TLE1: variants seen among roughly 807,000 people sequenced by gnomAD.
The protein encoded by TLE1 is TLE family member 1, transcriptional corepressor.
In TLE1, 21 loss-of-function variants were observed where a neutral mutation model predicts 89.8. The observed-to-expected ratio is 0.23, with a 90% confidence interval of 0.17 to 0.34. The LOEUF is 0.34. Ranked by LOEUF, TLE1 falls within the 10% of genes least tolerant of loss-of-function variation. TLE1 has a pLI of 1.00. For missense variants in TLE1, 795 were observed against 1,031.2 expected, an observed-to-expected ratio of 0.77 and a Z score of 3.14; for synonymous variants, 447 against 407.6, an observed-to-expected ratio of 1.10 and a Z score of -1.16.
At chr9:81,600,173 G>C (rs760702874) in intron 14 of TLE1, 10 of 704,594 alleles carry the variant, frequency 1.4e-5, no homozygotes, top group Non-Finnish European at 2.6e-5. Context: ...AAAACAAAAA[G>C]AGGCTTAATA....
intron 4 of TLE1, among the ~76,000 whole-genome samples, chr9:81,670,261 C>G (rs1832043380): frequency 6.6e-6 from 1 of 152,166 alleles, no homozygotes; most frequent in Non-Finnish European, 1.5e-5. Flanking sequence ...GGTCTTCAAA[C>G]TCTACTCCAA....
intron 17 of TLE1, among the ~76,000 whole-genome samples, chr9:81,586,052 C>T (rs1042705733): frequency 1.5e-5 from 2 of 137,320 alleles, no homozygotes. Context: ...GAGTCTTGCT[C>T]TGTCGCCCAG....
At chr9:81,585,764 C>T in intron 17 of TLE1, 109 bp from the exon 18 acceptor site, 1 of 1,379,848 alleles carries the variant, frequency 7.2e-7, no homozygotes, top group Non-Finnish European at 9.8e-7. Flanking sequence ...AGTAATCAGC[C>T]AAGTCCAGAC....
At chr9:81,674,705 G>C (rs939733551) in intron 4 of TLE1, among the ~76,000 whole-genome samples, 1 of 152,196 alleles carries the variant, frequency 6.6e-6, no homozygotes, top group South Asian at 2.1e-4. Context: ...GGGGAGTCCA[G>C]CTTTTCTGCG....
In TLE1 at chr9:81,662,315, C is replaced by G. The variant is rs887556774; in HGVS notation, c.235-8279G>C. 4.0e-5 allele frequency among the ~76,000 whole-genome samples: 6 copies of G among 151,462 alleles called. No homozygotes were observed. The East Asian group carries it at 9.7e-4, about 24-fold the overall frequency. On this transcript the variant is annotated intron_variant, in intron 4 of 19. Coordinates refer to ENST00000376499, the MANE Select transcript of TLE1 (RefSeq NM_005077.5). The stretch of plus-strand genomic sequence containing the variant: ...ATGATGCTAAAATGACCAAGACATT[C>G]ACTAGATGATGCAGGAGACACGGTG...
At position 81,636,093 on chromosome 9, in the gene TLE1, T is replaced by C. The variant is rs1337632601; in HGVS notation, c.373-1792A>G. 2.0e-5 allele frequency among the ~76,000 whole-genome samples: 3 copies of C among 152,042 alleles called. No homozygotes were observed. The East Asian group carries it at 5.8e-4, about 29-fold the overall frequency. On this transcript the variant is annotated intron_variant, in intron 6 of 19. Coordinates refer to ENST00000376499, the MANE Select transcript of TLE1 (RefSeq NM_005077.5). ...AGCATGGTTCTAATTAGAAGCAAAA[T>C]GGAAAAGGGGATGAGGTCAGAACAG...
chr9:81,616,808 C>G (rs1824579231), intron 9 of TLE1, 109 bp from the exon 10 acceptor site: 1 of 1,203,692 alleles, frequency 8.3e-7, no homozygotes. Flanking sequence ...AAAAAACTAC[C>G]TGGGACAGGC....
At position 81,600,298 on chromosome 9, in the gene TLE1, A is replaced by G. The variant is rs1311895247; in HGVS notation, c.1332-7024T>C. Among the ~76,000 whole-genome samples, 3 of 152,192 alleles carry G rather than the reference A, an allele frequency of 2.0e-5. No individual in the cohort carries two copies. The East Asian group carries it at 5.8e-4, about 29-fold the overall frequency. On this transcript the variant is annotated intron_variant, in intron 14 of 19. Transcript: ENST00000376499. Reference sequence around the variant, plus strand: ...ACACTACATTTATATCCCATAAACCAAAAGTCATTTCTGACAAGGTGAAGA... The same window carrying G: ...ACACTACATTTATATCCCATAAACCGAAAGTCATTTCTGACAAGGTGAAGA...
chr9:81,632,003 T>A (rs1588046767), intron 8 of TLE1, among the ~76,000 whole-genome samples: 1 of 151,564 alleles, frequency 6.6e-6, no homozygotes, highest in Admixed American at 6.6e-5. Flanking sequence ...GGCAGAAAAA[T>A]CGCTTGAACC....
At chr9:81,585,739 G>A (rs1229073346) in intron 17 of TLE1, 84 bp from the exon 18 acceptor site, 4 of 1,514,384 alleles carry the variant, frequency 2.6e-6, no homozygotes, top group South Asian at 2.5e-5. Flanking sequence ...TGGGGAAATA[G>A]CAAGAATGGG....
intron 14 of TLE1, among the ~76,000 whole-genome samples, chr9:81,607,338 A>G (rs543769930): frequency 3.0e-3 from 103 of 34,162 alleles, no homozygotes; most frequent in Admixed American, 0.023. Flanking sequence ...CCCTGTTAAT[A>G]CACACACACA....
rs183000278 is a variant in TLE1 at position 81,665,558 on chromosome 9, T to C, written c.235-11522A>G. Among the ~76,000 whole-genome samples the C allele has an allele frequency of 1.2e-4, 18 of 151,940 alleles. 1 individual carries two copies. Among genetic ancestry groups the C allele is most frequent in the East Asian group, 7.8e-4 (4 of 5,156 alleles). On this transcript the variant is annotated intron_variant, in intron 4 of 19. Transcript: ENST00000376499. ...GTGCTGAAGGCTGCTTGGGCACAGA[T>C]AGCAACACTAATTGCTCCCATTCTC...
chr9:81,687,474 C>G (rs1265886920), intron 1 of TLE1, 40 bp from the exon 2 acceptor site: 2 of 1,495,942 alleles, frequency 1.3e-6, no homozygotes, highest in East Asian at 4.6e-5. Flanking sequence ...GACGGGAATG[C>G]GGGCGGATGA....
intron 8 of TLE1, among the ~76,000 whole-genome samples, chr9:81,632,087 T>C (rs111360748): frequency 9.5e-5 from 14 of 147,430 alleles, no homozygotes; most frequent in African/African-American, 3.1e-4. Context: ...GAAGACTCCA[T>C]CTCAAAAAAA....
chr9:81,670,868 T>C (rs969959506), intron 4 of TLE1, among the ~76,000 whole-genome samples: 1 of 152,026 alleles, frequency 6.6e-6, no homozygotes, highest in African/African-American at 2.4e-5. Context: ...CTTAATAAAT[T>C]AGTCAAGAAA....
At chr9:81,607,030 C>A (rs903528556) in intron 14 of TLE1, among the ~76,000 whole-genome samples, 18 of 147,496 alleles carry the variant, frequency 1.2e-4, no homozygotes, top group Admixed American at 9.5e-4. Flanking sequence ...TTGAAACCAG[C>A]CTAGGCAACC....
At position 81,613,482 on chromosome 9, in the gene TLE1, G is replaced by A. The variant is rs1823985706; in HGVS notation, c.958C>T (p.Pro320Ser). The change falls in exon 12 of 20, where the codon CCA becomes TCA. Residue 320 changes from proline (P) to serine (S), a missense_variant. Pro to Ser is a moderately conservative substitution (Grantham distance 74). This residue lies in a region of TLE1 where 468 missense variants were observed against 509.1 expected (regional missense o/e 0.92). Coordinates refer to ENST00000376499, the MANE Select transcript of TLE1 (RefSeq NM_005077.5). ...GTTGGCATGTCGCTCCGAGGCGTTGGTGTGCTGGATTTCAGAACAGGCGTG... is the reference window on the plus strand; with the variant it reads ...GTTGGCATGTCGCTCCGAGGCGTTGATGTGCTGGATTTCAGAACAGGCGTG... The part of the protein sequence containing the change: ...ASTPVLKSST[P>S]TPRSDMPTPG... 2 of 1,614,098 alleles carry A rather than the reference G, an allele frequency of 1.2e-6. No homozygotes were observed. The highest frequency in any genetic ancestry group is 1.3e-5 in the African/African-American group (1 of 74,922).
At position 81,583,770 on chromosome 9, in the gene TLE1, C is replaced by A. The variant is rs537017044; in HGVS notation, c.*428G>T. The A allele has an allele frequency of 1.9e-5, 3 of 161,168 alleles. No homozygotes were observed. The South Asian group carries it at 5.5e-4, about 29-fold the overall frequency. 10.0% of individuals were successfully genotyped at this position (161,168 alleles called of 1,614,324 possible). A position where few individuals can be genotyped will look rare whatever the true frequency, so the allele number is the denominator to read the frequency against. On this transcript the variant is annotated 3_prime_UTR_variant, in exon 20 of 20. Coordinates refer to ENST00000376499, the MANE Select transcript of TLE1 (RefSeq NM_005077.5). ...AACCTTCAACAAAAATACAAAAAAA[C>A]ATTTCACAAGATGCAAAACCAGGAA...
At chr9:81,610,496 T>C (rs1587952010) in intron 13 of TLE1, among the ~76,000 whole-genome samples, 200 bp from the exon 14 acceptor site, 1 of 152,312 alleles carries the variant, frequency 6.6e-6, no homozygotes, top group East Asian at 1.9e-4. Context: ...ACTTCCTTTT[T>C]GGGAGGTAGA....
Sources: gnomAD v4.1 joint callset for allele counts (sites outside exome capture counted in the v4.1 genomes callset) on GRCh38, gnomAD v4.1.1 for gene constraint, gnomAD v4.1.1 regional missense constraint, MANE v1.5 for transcripts, NCBI Gene and HGNC (gene_info 2026-07-23, HGNC 2026-07-21) for gene names.